Variants in HPS5 observed in about 807,000 individuals in gnomAD.
HPS5 encodes HPS5 biogenesis of lysosomal organelles complex 2 subunit 2.
HPS5 carries 83 observed loss-of-function variants against 128.0 expected under a neutral mutation model. That is an observed-to-expected ratio of 0.65 (90% CI 0.54 to 0.78). The LOEUF is 0.78. Ranked by LOEUF, HPS5 falls within the 30% of genes least tolerant of loss-of-function variation. The probability of loss-of-function intolerance (pLI) is 0.00; values close to 1 mark genes in which losing one functional copy is unlikely to be tolerated. For synonymous variants in HPS5, 475 were observed against 470.2 expected (o/e 1.01, Z -0.13); for missense variants, 1,281 against 1,326.2 (o/e 0.97, Z 0.53).
At chr11:18,308,870 T>C (rs1862650741) in intron 6 of HPS5, 76 bp downstream of exon 6, 1 of 1,424,024 alleles carries the variant, frequency 7.0e-7, no homozygotes, top group Non-Finnish European at 9.9e-7. Flanking sequence ...TTGATGGGGC[T>C]TGGGGTAGAT....
At chr11:18,285,638 T>G (rs1003193067) in intron 19 of HPS5, among the ~76,000 whole-genome samples, 179 bp from the exon 20 acceptor site, 1 of 152,254 alleles carries the variant, frequency 6.6e-6, no homozygotes, top group African/African-American at 2.4e-5. Context: ...TGTTTATTTT[T>G]AAAGATTAGA....
chr11:18,301,294 A>G (rs899106735), intron 8 of HPS5, among the ~76,000 whole-genome samples: 1 of 152,020 alleles, frequency 6.6e-6, no homozygotes, highest in African/African-American at 2.4e-5. Context: ...TGTCTCTATT[A>G]AAAATAGAAA....
At chr11:18,292,820 A>G (rs1208436745) in intron 15 of HPS5, 79 bp downstream of exon 15, 3 of 1,070,264 alleles carry the variant, frequency 2.8e-6, no homozygotes, top group Non-Finnish European at 4.4e-6. Flanking sequence ...AGGCCCATAA[A>G]AAACTTACAA....
At position 18,311,462 on chromosome 11, in the gene HPS5, A is replaced by C; in HGVS notation, c.220-11T>G. ...AGAAATTGCACCTTCCTAGAGCACA[A>C]AAGAAAATACATTTTTTAAATCTCA... On this transcript the variant is annotated splice_polypyrimidine_tract_variant and intron_variant, in intron 3 of 22. Coordinates refer to ENST00000349215, the MANE Select transcript of HPS5 (RefSeq NM_181507.2). 2 of 1,542,306 alleles carry C rather than the reference A, an allele frequency of 1.3e-6. No homozygotes were observed. Among genetic ancestry groups the C allele is most frequent in the Non-Finnish European group, 1.8e-6 (2 of 1,127,058 alleles).
intron 21 of HPS5, 88 bp from the exon 22 acceptor site, chr11:18,282,308 T>C: frequency 1.4e-6 from 2 of 1,423,146 alleles, no homozygotes; most frequent in East Asian, 2.3e-5. Flanking sequence ...AAATGTTTAA[T>C]GCCAAAACGT....
intron 6 of HPS5, 27 bp downstream of exon 6, chr11:18,308,919 C>G: frequency 6.2e-7 from 1 of 1,612,690 alleles, no homozygotes; most frequent in Non-Finnish European, 8.5e-7. Context: ...TTCTGCATTT[C>G]TGATGACTAA....
Position 18,296,122 on chromosome 11 carries a change from T to C in HPS5, c.1511A>G (p.Asp504Gly), listed in dbSNP as rs779092535. Residue 504 changes from aspartate (D) to glycine (G), a missense_variant and splice_region_variant, in exon 13 of 23, where the codon GAC becomes GGC. Coordinates refer to ENST00000349215, the MANE Select transcript of HPS5 (RefSeq NM_181507.2). ...DQCCGSHGNEDNVSHAPVMFE... is the reference protein window; with the variant it reads ...DQCCGSHGNEGNVSHAPVMFE... ...CATCACTGGAGCATGAGAAACATTG[T>C]CTAATGAATGGAATCAGGAAAAAAA... 2.5e-6 allele frequency: 4 copies of C among 1,613,200 alleles called. No individual in the cohort carries two copies. In the Admixed American group the frequency reaches 6.7e-5, roughly 27 times the overall value.
chr11:18,281,261 T>A (rs987674810), intron 22 of HPS5, among the ~76,000 whole-genome samples: 26 of 150,718 alleles, frequency 1.7e-4, no homozygotes, highest in Non-Finnish European at 2.2e-4. Flanking sequence ...TTGCATTTTT[T>A]TTTTTTTTTT....
intron 20 of HPS5, 25 bp downstream of exon 20, chr11:18,285,321 C>T (rs1859564556): frequency 7.0e-7 from 1 of 1,418,662 alleles, no homozygotes; most frequent in Admixed American, 1.7e-5. Flanking sequence ...ACCTTAACTT[C>T]AGTTTCTAAA....
In HPS5 at chr11:18,297,822, G is replaced by A. The variant is rs145953665; in HGVS notation, c.1165-105C>T. On this transcript the variant is annotated intron_variant, in intron 10 of 22. Transcript: ENST00000349215. ...AGGCCGGGCACGGTGGCTCACGCCT[G>A]TAATCCCAGCACTCTGGGAGGCCGA... The A allele has an allele frequency of 5.5e-3, 6,078 of 1,105,508 alleles. 29 individuals are homozygous for A. The highest frequency in any genetic ancestry group is 5.9e-3 in the Non-Finnish European group (4,341 of 738,802). 68.5% of individuals were successfully genotyped at this position (1,105,508 alleles called of 1,614,324 possible).
intron 5 of HPS5, among the ~76,000 whole-genome samples, chr11:18,310,092 A>T (rs549373798): frequency 2.8e-4 from 43 of 152,326 alleles, no homozygotes; most frequent in African/African-American, 1.0e-3. Context: ...TGCAAGACAA[A>T]TCCCTCTACT....
chr11:18,319,255 C>CACACA (rs1864010264), intron 1 of HPS5, among the ~76,000 whole-genome samples: 4 of 139,114 alleles, frequency 2.9e-5, no homozygotes, highest in African/African-American at 1.1e-4. Flanking sequence ...AAGACAAATA[C>CACACA]CACACACACA....
At chr11:18,307,051 C>T (rs1212467293) in intron 6 of HPS5, among the ~76,000 whole-genome samples, 4 of 152,228 alleles carry the variant, frequency 2.6e-5, no homozygotes, top group South Asian at 2.1e-4. Context: ...TGGAATTACA[C>T]GCTTCCTATG....
rs1481020724 is a variant in HPS5, at chr11:18,301,390, T to G, written c.897-474A>C. On this transcript the variant is annotated intron_variant, in intron 8 of 22. Transcript: ENST00000349215. ...AGAATCACTTACAGGGAGGCGGAGG[T>G]TGCAGTGAGCCAAGATTGTGCCACT... Among the ~76,000 whole-genome samples the G allele has an allele frequency of 2.8e-5, 4 of 145,052 alleles. No individual in the cohort carries two copies. In the East Asian group the frequency reaches 8.0e-4, roughly 29 times the overall value.
At chr11:18,298,111 TAA>T (rs1345802620) in intron 10 of HPS5, among the ~76,000 whole-genome samples, 1 of 148,100 alleles carries the variant, frequency 6.8e-6, no homozygotes, top group Non-Finnish European at 1.5e-5. Context: ...AAAAAAGAAA[TAA>T]GTCTAATATA....
rs760500910 is a variant in HPS5 at position 18,285,487 on chromosome 11, T to G, written c.2838-28A>C. 5 of 1,433,514 alleles carry G rather than the reference T, an allele frequency of 3.5e-6. No homozygotes were observed. In the African/African-American group the frequency reaches 7.0e-5, roughly 20 times the overall value. The allele number at this position is 1,433,514 out of a possible 1,614,324, so 88.8% of individuals were successfully genotyped here. A position where few individuals can be genotyped will look rare whatever the true frequency, so the allele number is the denominator to read the frequency against. The stretch of plus-strand genomic sequence containing the variant: ...ATGAAATGAAAAGGAATCAGTAAAT[T>G]AGATAGGAAATAAACTCTAGAAAAT... On this transcript the variant is annotated intron_variant, in intron 19 of 22. Transcript: ENST00000349215.
In HPS5 at chr11:18,296,820, AC is replaced by A; in HGVS notation, c.1487del (p.Cys496PhefsTer16). On this transcript the variant is annotated frameshift_variant, in exon 12 of 23. Coordinates refer to ENST00000349215, the MANE Select transcript of HPS5 (RefSeq NM_181507.2). LOFTEE classifies it high-confidence loss of function. Reference protein sequence around the residue: ...SQQEEDLPDQCCGSHGNEDNV... With the variant: ...SQQEEDLPDQXCGSHGNEDNV... ...CACCTTCATTTCCGTGTGAGCCACA[AC>A]ACTGATCTGGCAGGTCCTCTTCCTG... 2 of 1,614,116 alleles carry A rather than the reference AC, an allele frequency of 1.2e-6. No homozygotes were observed. The highest frequency in any genetic ancestry group is 1.7e-6 in the Non-Finnish European group (2 of 1,179,974).
chr11:18,287,856 G>C (rs759783058), intron 17 of HPS5, 37 bp downstream of exon 17: 1 of 1,613,460 alleles, frequency 6.2e-7, no homozygotes, highest in Non-Finnish European at 8.5e-7. Flanking sequence ...AAATGCATGT[G>C]CTTTAGCTCA....
chr11:18,310,925 A>C lies in HPS5; in HGVS notation c.293T>G (p.Leu98Arg), dbSNP rs759151606. The C allele has an allele frequency of 6.2e-7, 1 of 1,614,058 alleles. No individual in the cohort carries two copies. Among genetic ancestry groups the C allele is most frequent in the Non-Finnish European group, 8.5e-7 (1 of 1,179,934 alleles). Residue 98 changes from leucine (L) to arginine (R), a missense_variant, in exon 5 of 23, where the codon CTT becomes CGT. Leu to Arg is a moderately radical substitution (Grantham distance 102). Coordinates refer to ENST00000349215, the MANE Select transcript of HPS5 (RefSeq NM_181507.2). ...TTGATTTAATTCCCAAACAACCACA[A>C]GACCTTGACTGCAAGAATTGAGTCA... ...DYVAVATSQG[L>R]VVVWELNQER...
Sources: gnomAD v4.1 joint callset for allele counts (sites outside exome capture counted in the v4.1 genomes callset) on GRCh38, gnomAD v4.1.1 for gene constraint, MANE v1.5 for transcripts, NCBI Gene and HGNC (gene_info 2026-07-23, HGNC 2026-07-21) for gene names.